Variants in NHS observed in about 807,000 individuals in gnomAD.
The protein encoded by NHS is actin remodeling regulator NHS.
Under a neutral mutation model 72.5 loss-of-function variants are expected in NHS, and 5 were observed. The ratio of observed to expected loss-of-function variants is 0.07; its 90% CI spans 0.04 to 0.14. The LOEUF is 0.14. Among genes scored for constraint, NHS ranks in the 10% least tolerant of loss-of-function variants. The pLI is 1.00. For missense variants in NHS, 1,072 were observed against 1,355.7 expected, an observed-to-expected ratio of 0.79 and a Z score of 3.29; for synonymous variants, 464 against 547.7, an observed-to-expected ratio of 0.85 and a Z score of 2.13.
At chrX:17,671,708 G>A (rs992796988) in intron 1 of NHS, among the ~76,000 whole-genome samples, 6 of 111,892 alleles carry the variant, frequency 5.4e-5, no homozygotes, top group Admixed American at 9.5e-5. Context: ...TGTTAACCCA[G>A]GTCCCCGATT....
intron 1 of NHS, among the ~76,000 whole-genome samples, chrX:17,418,998 G>A (rs1049303424): frequency 1.8e-5 from 2 of 112,512 alleles, no homozygotes; most frequent in African/African-American, 6.5e-5. Context: ...GTATGTATTT[G>A]TGGATAGAAC....
chrX:17,465,877 G>A (rs1335375525), intron 1 of NHS, among the ~76,000 whole-genome samples: 2 of 112,539 alleles, frequency 1.8e-5, no homozygotes, highest in African/African-American at 6.5e-5. Context: ...CTCACCCAGC[G>A]ACACCCTCCT....
chrX:17,449,665 A>C (rs748973118), intron 1 of NHS, among the ~76,000 whole-genome samples: 218 of 112,171 alleles, frequency 1.9e-3, no homozygotes, highest in African/African-American at 6.3e-3. Flanking sequence ...AGTGTGAGGG[A>C]TGCCAGGGGA....
intron 1 of NHS, among the ~76,000 whole-genome samples, chrX:17,570,254 T>C: frequency 8.9e-6 from 1 of 112,285 alleles, no homozygotes; most frequent in Admixed American, 9.4e-5. Flanking sequence ...TATAAATTAC[T>C]TTGAGCAGTA....
At chrX:17,584,086 A>G (rs1569287633) in intron 1 of NHS, among the ~76,000 whole-genome samples, 1 of 111,889 alleles carries the variant, frequency 8.9e-6, no homozygotes, top group Non-Finnish European at 1.9e-5. Flanking sequence ...CTCTGTAAGA[A>G]GACCAGAAGC....
chrX:17,694,356 C>T (rs111626000), intron 3 of NHS, among the ~76,000 whole-genome samples: 1,561 of 112,368 alleles, frequency 0.014, 34 homozygotes, highest in African/African-American at 0.047. Flanking sequence ...AGTTCAAGCT[C>T]ACAAGACTGT....
intron 1 of NHS, among the ~76,000 whole-genome samples, chrX:17,378,819 T>C (rs935968197): frequency 8.9e-5 from 10 of 112,048 alleles, no homozygotes; most frequent in African/African-American, 3.2e-4. Context: ...AGGTAGCACC[T>C]GGAGCATGAA....
chrX:17,700,466 A>G (rs2066256889), intron 3 of NHS, among the ~76,000 whole-genome samples: 1 of 110,258 alleles, frequency 9.1e-6, no homozygotes, highest in African/African-American at 3.3e-5. Context: ...AAAAGAAAAA[A>G]AAGAAATGCA....
Position 17,733,750 on chromosome X carries a change from G to A in NHS, c.*1286G>A, listed in dbSNP as rs985903930. On this transcript the variant is annotated 3_prime_UTR_variant, in exon 9 of 9. Coordinates refer to ENST00000676302, the MANE Select transcript of NHS (RefSeq NM_001291867.2). Reference sequence around the variant, plus strand: ...TACTCATTGTTAAACTGGGAATGGGGAACAGCTCTGGTTCACAATACTACA... The same window carrying A: ...TACTCATTGTTAAACTGGGAATGGGAAACAGCTCTGGTTCACAATACTACA... 2.7e-5 allele frequency: 3 copies of A among 111,768 alleles called. No homozygotes were observed. Among genetic ancestry groups the A allele is most frequent in the African/African-American group, 9.8e-5 (3 of 30,577 alleles). 9.2% of individuals were successfully genotyped at this position (111,768 alleles called of 1,213,427 possible).
intron 1 of NHS, among the ~76,000 whole-genome samples, chrX:17,447,351 C>T (rs375645460): frequency 2.5e-4 from 28 of 111,401 alleles, no homozygotes; most frequent in African/African-American, 7.5e-4. Flanking sequence ...TTTAATTTTA[C>T]GAAATAATTC....
intron 1 of NHS, among the ~76,000 whole-genome samples, chrX:17,395,400 T>C (rs2064469388): frequency 8.9e-6 from 1 of 111,863 alleles, no homozygotes; most frequent in African/African-American, 3.2e-5. Context: ...CCAAAATAAA[T>C]AGGAACATGC....
chrX:17,680,000 T>C (rs1275444804), intron 1 of NHS, among the ~76,000 whole-genome samples: 4 of 112,003 alleles, frequency 3.6e-5, no homozygotes, highest in South Asian at 7.5e-4. Flanking sequence ...CTTGCAGCCA[T>C]AGTCTCCTCA....
intron 3 of NHS, among the ~76,000 whole-genome samples, chrX:17,695,001 A>T (rs1055168739): frequency 8.9e-6 from 1 of 112,580 alleles, no homozygotes; most frequent in African/African-American, 3.2e-5. Flanking sequence ...AAATAAGATT[A>T]AACTATGTAT....
intron 1 of NHS, among the ~76,000 whole-genome samples, chrX:17,602,834 A>ATT (rs34067989): frequency 0.032 from 2,699 of 83,227 alleles, 171 homozygotes; most frequent in African/African-American, 0.12. Context: ...CACAACTACA[A>ATT]TTTTTTTTTT....
At chrX:17,445,434 A>T (rs1187253039) in intron 1 of NHS, among the ~76,000 whole-genome samples, 1 of 111,083 alleles carries the variant, frequency 9.0e-6, no homozygotes, top group East Asian at 2.8e-4. Context: ...GTGCTAAATG[A>T]TTTTTTGTGT....
chrX:17,459,910 A>T (rs1298640799), intron 1 of NHS, among the ~76,000 whole-genome samples: 1 of 112,343 alleles, frequency 8.9e-6, no homozygotes, highest in Non-Finnish European at 1.9e-5. Flanking sequence ...GCTTGGCATC[A>T]TGAGCTTTAT....
At chrX:17,690,185 T>C (rs2066187515) in intron 2 of NHS, among the ~76,000 whole-genome samples, 1 of 112,620 alleles carries the variant, frequency 8.9e-6, no homozygotes. Flanking sequence ...CATCATGGAA[T>C]TAAAAACATG....
intron 1 of NHS, among the ~76,000 whole-genome samples, chrX:17,529,001 TTTG>T (rs1198519063): frequency 1.8e-5 from 2 of 111,186 alleles, no homozygotes; most frequent in African/African-American, 6.6e-5. Flanking sequence ...CTTCTTTTTC[TTTG>T]TTTTCCCTCC....
chrX:17,547,093 T>A (rs938141224), intron 1 of NHS, among the ~76,000 whole-genome samples: 2 of 112,394 alleles, frequency 1.8e-5, no homozygotes, highest in Non-Finnish European at 3.8e-5. Context: ...AGAGCTAAAC[T>A]TTTTCTTGCA....
Sources: gnomAD v4.1 joint callset for allele counts (sites outside exome capture counted in the v4.1 genomes callset) on GRCh38, gnomAD v4.1.1 for gene constraint, MANE v1.5 for transcripts, NCBI Gene and HGNC (gene_info 2026-07-23, HGNC 2026-07-21) for gene names.